The following GRIN2B variants were observed in gnomAD, a reference collection of about 807,000 sequenced individuals.
GRIN2B encodes the protein glutamate receptor ionotropic, NMDA 2B.
In GRIN2B, 5 loss-of-function variants were observed where a neutral mutation model predicts 114.5. The observed-to-expected ratio is 0.04, with a 90% confidence interval of 0.02 to 0.09. The LOEUF (loss-of-function observed/expected upper bound fraction) is 0.09, where lower values mean the gene tolerates loss of function less well. Ranked by LOEUF, GRIN2B falls within the 10% of genes least tolerant of loss-of-function variation. The pLI is 1.00. For synonymous variants in GRIN2B, 787 were observed against 745.1 expected (o/e 1.06, Z -0.92); for missense variants, 1,108 against 1,943.5 (o/e 0.57, Z 8.08).
At chr12:13,926,923 A>G (rs2136819351) in intron 2 of GRIN2B, among the ~76,000 whole-genome samples, 1 of 151,496 alleles carries the variant, frequency 6.6e-6, no homozygotes, top group African/African-American at 2.4e-5. Flanking sequence ...ACTGCACTCC[A>G]GCCTGGGGAC....
intron 4 of GRIN2B, among the ~76,000 whole-genome samples, chr12:13,734,378 G>C (rs115847919): frequency 1.3e-5 from 2 of 152,138 alleles, no homozygotes; most frequent in African/African-American, 4.8e-5. Flanking sequence ...GGAATAAAGA[G>C]CAGTGAGGAA....
At chr12:13,883,117 CTT>C (rs1866095326) in intron 2 of GRIN2B, among the ~76,000 whole-genome samples, 1 of 152,014 alleles carries the variant, frequency 6.6e-6, no homozygotes, top group African/African-American at 2.4e-5. Context: ...AGTAATATTC[CTT>C]TGTATAGATT....
At chr12:13,866,628 A>G (rs1484666067) in intron 2 of GRIN2B, among the ~76,000 whole-genome samples, 2 of 152,104 alleles carry the variant, frequency 1.3e-5, no homozygotes, top group African/African-American at 2.4e-5. Context: ...GAGCAGAAAA[A>G]CGTGCTCAGC....
chr12:13,704,221 C>A (rs1304882567), intron 4 of GRIN2B, among the ~76,000 whole-genome samples: 1 of 152,050 alleles, frequency 6.6e-6, no homozygotes, highest in Non-Finnish European at 1.5e-5. Context: ...GGGTAGGATG[C>A]ATGAGGAGGA....
chr12:13,883,074 G>A (rs950084881), intron 2 of GRIN2B, among the ~76,000 whole-genome samples: 12 of 152,092 alleles, frequency 7.9e-5, no homozygotes, highest in Admixed American at 5.9e-4. Context: ...CAATATTGTT[G>A]TGTGTATCAG....
chr12:13,644,366 G>A (rs1440075585), intron 5 of GRIN2B, among the ~76,000 whole-genome samples: 2 of 152,050 alleles, frequency 1.3e-5, no homozygotes, highest in African/African-American at 4.8e-5. Context: ...CTCAATAGTG[G>A]GCTTAAAATA....
intron 5 of GRIN2B, among the ~76,000 whole-genome samples, chr12:13,626,280 C>A (rs1949565745): frequency 6.6e-6 from 1 of 152,172 alleles, no homozygotes; most frequent in South Asian, 2.1e-4. Flanking sequence ...GTGCACCATG[C>A]CCAAGGCCTT....
intron 5 of GRIN2B, among the ~76,000 whole-genome samples, chr12:13,648,064 GA>G (rs1176259196): frequency 2.0e-5 from 3 of 152,164 alleles, no homozygotes; most frequent in African/African-American, 7.2e-5. Flanking sequence ...GACCAAATTG[GA>G]CTGTATTATA....
Position 13,560,572 on chromosome 12 carries a change from CAG to C in GRIN2B, c.*2209_*2210del, listed in dbSNP as rs1328041332. 1 of 152,132 alleles carries C rather than the reference CAG, an allele frequency of 6.6e-6. No homozygotes were observed. Among genetic ancestry groups the C allele is most frequent in the Non-Finnish European group, 1.5e-5 (1 of 68,032 alleles). 9.4% of individuals were successfully genotyped at this position (152,132 alleles called of 1,614,324 possible). On this transcript the variant is annotated 3_prime_UTR_variant, in exon 14 of 14. Coordinates refer to ENST00000609686, the MANE Select transcript of GRIN2B (RefSeq NM_000834.5). ...TGAGTCCCTGACCCCTGGACAGAGTCAGGGCGAAGCAGTGTTTACGTGGCCCT... is the reference window on the plus strand; with the variant it reads ...TGAGTCCCTGACCCCTGGACAGAGTCGGCGAAGCAGTGTTTACGTGGCCCT...
intron 10 of GRIN2B, among the ~76,000 whole-genome samples, chr12:13,583,550 G>T (rs1412542164): frequency 1.3e-5 from 2 of 152,186 alleles, no homozygotes; most frequent in African/African-American, 2.4e-5. Flanking sequence ...GGAATCCAGT[G>T]CCTGAATTAG....
chr12:13,911,267 C>T (rs558280918), intron 2 of GRIN2B, among the ~76,000 whole-genome samples: 4 of 152,100 alleles, frequency 2.6e-5, no homozygotes, highest in African/African-American at 9.6e-5. Flanking sequence ...AAGAAATGAA[C>T]GAATGATGAC....
chr12:13,881,745 C>T (rs1866075341), intron 2 of GRIN2B, among the ~76,000 whole-genome samples: 1 of 152,146 alleles, frequency 6.6e-6, no homozygotes, highest in African/African-American at 2.4e-5. Flanking sequence ...TCTGGCTTCT[C>T]CTCTCATTCT....
At chr12:13,697,581 A>C (rs1451994405) in intron 4 of GRIN2B, among the ~76,000 whole-genome samples, 2 of 152,184 alleles carry the variant, frequency 1.3e-5, no homozygotes, top group African/African-American at 4.8e-5. Flanking sequence ...GAGCCTCAGC[A>C]AAGAGGCTCT....
intron 2 of GRIN2B, among the ~76,000 whole-genome samples, chr12:13,893,892 C>G (rs1866309640): frequency 6.6e-6 from 1 of 151,828 alleles, no homozygotes. Context: ...ATGTTCACAA[C>G]TATAATAAAG....
chr12:13,885,611 C>T (rs1866142451), intron 2 of GRIN2B, among the ~76,000 whole-genome samples: 1 of 152,138 alleles, frequency 6.6e-6, no homozygotes, highest in South Asian at 2.1e-4. Context: ...CCAGTGCTAC[C>T]AGCAATCAGG....
At chr12:13,863,078 T>C (rs950727676) in intron 3 of GRIN2B, among the ~76,000 whole-genome samples, 2 of 152,156 alleles carry the variant, frequency 1.3e-5, no homozygotes, top group African/African-American at 4.8e-5. Flanking sequence ...AAAGACATGA[T>C]GGAATATTTG....
intron 4 of GRIN2B, among the ~76,000 whole-genome samples, chr12:13,743,517 T>A (rs965052868): frequency 2.0e-5 from 3 of 152,054 alleles, no homozygotes; most frequent in African/African-American, 7.2e-5. Flanking sequence ...ATTATTAAGA[T>A]CTGTGTAATA....
Position 13,615,023 on chromosome 12 carries a change from C to G in GRIN2B, c.1654+91G>C, listed in dbSNP as rs1349522597. Reference sequence around the variant, plus strand: ...GAGCTCCTAGCAAACCACCTTCTAGCTGGAACAGCCTGGCCATGTGCTCCT... The same window carrying G: ...GAGCTCCTAGCAAACCACCTTCTAGGTGGAACAGCCTGGCCATGTGCTCCT... On this transcript the variant is annotated intron_variant, in intron 8 of 13. Transcript: ENST00000609686. The surrounding 1 kb of genome is among the most constrained non-coding windows in gnomAD (Gnocchi z 5.8). The G allele has an allele frequency of 1.7e-6, 2 of 1,199,216 alleles. No individual in the cohort carries two copies. The highest frequency in any genetic ancestry group is 1.2e-6 in the Non-Finnish European group (1 of 802,848). The allele number at this position is 1,199,216 out of a possible 1,614,324, so 74.3% of individuals were successfully genotyped here. A position where few individuals can be genotyped will look rare whatever the true frequency, so the allele number is the denominator to read the frequency against.
intron 2 of GRIN2B, among the ~76,000 whole-genome samples, chr12:13,960,786 G>A (rs918963421): frequency 3.9e-5 from 6 of 152,112 alleles, no homozygotes; most frequent in African/African-American, 1.4e-4. Context: ...GAGACGGATT[G>A]GGTCAGGACA....
Sources: gnomAD v4.1 joint callset for allele counts (sites outside exome capture counted in the v4.1 genomes callset) on GRCh38, gnomAD v4.1.1 for gene constraint, Gnocchi (gnomAD v3.1) non-coding constraint, MANE v1.5 for transcripts, NCBI Gene and HGNC (gene_info 2026-07-23, HGNC 2026-07-21) for gene names.